Variants in ZMYM6 observed in about 807,000 individuals in gnomAD.
ZMYM6 encodes the protein zinc finger MYM-type containing 6.
Under a neutral mutation model 134.0 loss-of-function variants are expected in ZMYM6, and 90 were observed. The observed-to-expected ratio is 0.67, with a 90% CI of 0.57 to 0.80. ZMYM6 has a LOEUF of 0.80. Among genes scored for constraint, ZMYM6 ranks in the 30% least tolerant of loss-of-function variants. The probability of loss-of-function intolerance (pLI) is 0.00; values close to 1 mark genes in which losing one functional copy is unlikely to be tolerated. For synonymous variants in ZMYM6, 481 were observed against 524.1 expected, an observed-to-expected ratio of 0.92 and a Z score of 1.12; for missense variants, 1,362 against 1,533.9, an observed-to-expected ratio of 0.89 and a Z score of 1.87.
At chr1:34,998,965 T>C (rs1640833790) in intron 14 of ZMYM6, among the ~76,000 whole-genome samples, 1 of 152,004 alleles carries the variant, frequency 6.6e-6, no homozygotes, top group Admixed American at 6.6e-5. Context: ...CTACTAAAAA[T>C]GTACAAAGTT....
intron 2 of ZMYM6, among the ~76,000 whole-genome samples, chr1:35,025,278 C>T (rs1641388038): frequency 6.6e-6 from 1 of 151,460 alleles, no homozygotes; most frequent in Admixed American, 6.6e-5. Flanking sequence ...GACCAGCCGG[C>T]CAACATGGTG....
At chr1:34,995,087 A>T (rs1640757518) in intron 14 of ZMYM6, among the ~76,000 whole-genome samples, 1 of 136,798 alleles carries the variant, frequency 7.3e-6, no homozygotes, top group Admixed American at 7.1e-5. Context: ...TTACATACGT[A>T]TATATGTATG....
intron 3 of ZMYM6, 49 bp from the exon 4 acceptor site, chr1:35,019,651 A>G: frequency 6.6e-7 from 1 of 1,522,640 alleles, no homozygotes; most frequent in Admixed American, 2.3e-5. Flanking sequence ...TAATGCATAT[A>G]CAGTCTCAGT....
intron 2 of ZMYM6, among the ~76,000 whole-genome samples, chr1:35,021,739 G>T (rs759862212): frequency 6.6e-6 from 1 of 152,186 alleles, no homozygotes; most frequent in African/African-American, 2.4e-5. Context: ...ATACAAGAGT[G>T]TCAATGCAAT....
At chr1:35,017,339 C>G (rs1318077393) in intron 4 of ZMYM6, 1 of 152,168 alleles carries the variant, frequency 6.6e-6, no homozygotes, top group Non-Finnish European at 1.5e-5. Context: ...TGCTTATACA[C>G]AGATGAAGTA....
intron 6 of ZMYM6, chr1:35,013,564 A>G (rs1159037378): frequency 1.0e-6 from 1 of 985,492 alleles, no homozygotes; most frequent in Non-Finnish European, 1.2e-6. Flanking sequence ...TCTTAAAAAA[A>G]GAGATTCTTT....
At chr1:35,003,568 T>A (rs1640916039) in intron 14 of ZMYM6, among the ~76,000 whole-genome samples, 1 of 152,222 alleles carries the variant, frequency 6.6e-6, no homozygotes. Flanking sequence ...GTTTTGTTAT[T>A]TCCAACCAGG....
chr1:35,016,968 G>A (rs1263020202), intron 4 of ZMYM6, among the ~76,000 whole-genome samples: 2 of 151,398 alleles, frequency 1.3e-5, no homozygotes, highest in African/African-American at 2.4e-5. Context: ...TCACGCCACT[G>A]CACTCCAGCC....
Position 34,992,348 on chromosome 1 carries a change from G to C in ZMYM6, c.2032C>G (p.Gln678Glu), listed in dbSNP as rs372411910. The change falls in exon 15 of 16, where the codon CAA becomes GAA. Residue 678 changes from glutamine (Q) to glutamate (E), a missense_variant. This residue lies in a region of ZMYM6 where 824 missense variants were observed against 940.9 expected (regional missense o/e 0.88). Coordinates refer to ENST00000357182, the MANE Select transcript of ZMYM6 (RefSeq NM_007167.4). Reference sequence around the variant, plus strand: ...AAAAGCCTGGAAGGCTGGGAAGATTGGGAAGATGGAAATTTCATAGCATCT... The same window carrying C: ...AAAAGCCTGGAAGGCTGGGAAGATTCGGAAGATGGAAATTTCATAGCATCT... Reference protein sequence around the residue: ...QEDAMKFPSSQSSQPSRLLKN... With the variant: ...QEDAMKFPSSESSQPSRLLKN... The C allele has an allele frequency of 2.5e-6, 4 of 1,613,828 alleles. No homozygotes were observed. The highest frequency in any genetic ancestry group is 3.4e-6 in the Non-Finnish European group (4 of 1,179,932).
chr1:34,992,022 T>A, intron 15 of ZMYM6: 1 of 633,810 alleles, frequency 1.6e-6, no homozygotes, highest in Non-Finnish European at 2.7e-6. Flanking sequence ...TAAAACTGTA[T>A]GTTAGTAATT....
At chr1:35,015,723 CAAA>C (rs1331400824) in intron 4 of ZMYM6, among the ~76,000 whole-genome samples, 581 of 51,170 alleles carry the variant, frequency 0.011, 25 homozygotes, top group African/African-American at 0.067. Context: ...GACTCCATCT[CAAA>C]AAAAAAAAAA....
chr1:35,003,339 C>T (rs1301723005), intron 14 of ZMYM6, among the ~76,000 whole-genome samples: 1 of 152,090 alleles, frequency 6.6e-6, no homozygotes, highest in Non-Finnish European at 1.5e-5. Flanking sequence ...TGCAATCAGC[C>T]GGCCAGACTT....
chr1:35,028,553 G>A (rs1641457637), intron 2 of ZMYM6, among the ~76,000 whole-genome samples: 1 of 151,166 alleles, frequency 6.6e-6, no homozygotes, highest in Non-Finnish European at 1.5e-5. Context: ...AGGCTAGAGT[G>A]CAGTGGCGCA....
intron 4 of ZMYM6, among the ~76,000 whole-genome samples, chr1:35,016,820 G>A (rs931465845): frequency 2.6e-5 from 4 of 152,000 alleles, no homozygotes; most frequent in East Asian, 1.9e-4. Flanking sequence ...CTGGGCAACA[G>A]AGCAAGACCC....
intron 2 of ZMYM6, among the ~76,000 whole-genome samples, chr1:35,025,222 G>A (rs962619579): frequency 4.7e-5 from 7 of 148,492 alleles, no homozygotes; most frequent in Non-Finnish European, 7.4e-5. Context: ...GGTGGCTCAC[G>A]CCTGTAACCC....
At chr1:35,019,266 AT>A in intron 4 of ZMYM6, 86 bp downstream of exon 4, 1 of 1,568,932 alleles carries the variant, frequency 6.4e-7, no homozygotes, top group East Asian at 2.2e-5. Flanking sequence ...TGCTGAAGAG[AT>A]TTAAAGTATC....
chr1:34,992,492 A>AT, intron 14 of ZMYM6, 105 bp from the exon 15 acceptor site: 2 of 1,227,064 alleles, frequency 1.6e-6, no homozygotes, highest in Non-Finnish European at 2.2e-6. Flanking sequence ...AGAGAAATAT[A>AT]ATTCCTCTGA....
At chr1:34,995,023 G>C in intron 14 of ZMYM6, among the ~76,000 whole-genome samples, 1 of 103,606 alleles carries the variant, frequency 9.7e-6, no homozygotes, top group African/African-American at 1.2e-4. Context: ...ACTTACATAC[G>C]TATATATATG....
intron 1 of ZMYM6, among the ~76,000 whole-genome samples, chr1:35,030,928 T>G (rs1180372277): frequency 6.6e-6 from 1 of 152,166 alleles, no homozygotes; most frequent in African/African-American, 2.4e-5. Flanking sequence ...CTCTAATATC[T>G]TTAAAGACAC....
Sources: allele counts gnomAD v4.1 joint callset (sites outside exome capture counted in the v4.1 genomes callset), GRCh38; gene constraint gnomAD v4.1.1; regional missense constraint gnomAD v4.1.1; transcripts MANE v1.5; gene names NCBI Gene and HGNC (gene_info 2026-07-23, HGNC 2026-07-21).